Variants in CDH13 observed in about 807,000 individuals in gnomAD.
CDH13 encodes cadherin 13.
In CDH13, 24 loss-of-function variants were observed where a neutral mutation model predicts 63.8. The observed-to-expected ratio is 0.38, with a 90% CI of 0.27 to 0.53. CDH13 has a LOEUF of 0.53. Ranked by LOEUF, CDH13 falls within the 20% of genes least tolerant of loss-of-function variation. The probability of loss-of-function intolerance (pLI) is 0.85; values close to 1 mark genes in which losing one functional copy is unlikely to be tolerated. For synonymous variants in CDH13, 503 were observed against 355.3 expected, an observed-to-expected ratio of 1.42 and a Z score of -4.67; for missense variants, 1,049 against 903.1, an observed-to-expected ratio of 1.16 and a Z score of -2.07.
chr16:83,052,196 C>G lies in CDH13; in HGVS notation c.366+19978C>G, dbSNP rs1356072102. 4.6e-5 allele frequency among the ~76,000 whole-genome samples: 7 copies of G among 152,136 alleles called. No homozygotes were observed. In the South Asian group the frequency reaches 1.2e-3, roughly 27 times the overall value. On this transcript the variant is annotated intron_variant, in intron 3 of 13. Coordinates refer to ENST00000567109, the MANE Select transcript of CDH13 (RefSeq NM_001257.5). ...AAAATGAGCAAGAAGTAGTAAATGC[C>G]TCATTATCCTTTCAGAGCACCTAAT...
At chr16:82,997,022 G>A (rs1257875013) in intron 2 of CDH13, among the ~76,000 whole-genome samples, 7 of 149,666 alleles carry the variant, frequency 4.7e-5, no homozygotes, top group Non-Finnish European at 1.0e-4. Context: ...TGATGGTGAT[G>A]ATGGTGATGG....
chr16:83,398,555 A>C (rs1316640929), intron 6 of CDH13, among the ~76,000 whole-genome samples: 1 of 152,224 alleles, frequency 6.6e-6, no homozygotes, highest in Non-Finnish European at 1.5e-5. Flanking sequence ...TTTCCAAATA[A>C]GATTCATGCA....
At chr16:83,519,689 C>G (rs1598208494) in intron 7 of CDH13, among the ~76,000 whole-genome samples, 1 of 152,090 alleles carries the variant, frequency 6.6e-6, no homozygotes, top group African/African-American at 2.4e-5. Flanking sequence ...CTAAAATATT[C>G]TAGGCAAGAG....
At chr16:83,762,776 T>G (rs1914081462) in intron 11 of CDH13, among the ~76,000 whole-genome samples, 1 of 152,200 alleles carries the variant, frequency 6.6e-6, no homozygotes, top group Admixed American at 6.5e-5. Context: ...CTCCTCTTGC[T>G]TGAAAATTGT....
chr16:82,713,806 G>GAAAAAAAAAAAA (rs758482459), intron 1 of CDH13, among the ~76,000 whole-genome samples: 1 of 120,010 alleles, frequency 8.3e-6, no homozygotes, highest in Non-Finnish European at 1.8e-5. Context: ...CTGTATTTGT[G>GAAAAAAAAAAAA]AAAAAAAAAA....
chr16:83,240,718 T>TTTC (rs1904352765), intron 5 of CDH13, among the ~76,000 whole-genome samples: 1 of 14,136 alleles, frequency 7.1e-5, no homozygotes, highest in African/African-American at 1.1e-4. Flanking sequence ...TGTCTTAATC[T>TTTC]TTTTTTTTTT....
At chr16:83,366,915 A>T (rs2091268273) in intron 6 of CDH13, among the ~76,000 whole-genome samples, 1 of 152,196 alleles carries the variant, frequency 6.6e-6, no homozygotes, top group Admixed American at 6.5e-5. Context: ...TTTAATACCC[A>T]AAGCCCTCTT....
At chr16:83,173,515 C>A (rs1053127277) in intron 4 of CDH13, among the ~76,000 whole-genome samples, 1 of 152,000 alleles carries the variant, frequency 6.6e-6, no homozygotes, top group Non-Finnish European at 1.5e-5. Flanking sequence ...AGACAAAATA[C>A]AAGACCCCAT....
In CDH13 at chr16:82,728,422, A is replaced by T. The variant is rs183196059; in HGVS notation, c.45+101285A>T. The stretch of plus-strand genomic sequence containing the variant: ...TCTAGACCACAGCAATAAAGTGAAT[A>T]TTACAATAAAGAGAGGCATACAATT... On this transcript the variant is annotated intron_variant, in intron 1 of 13. Transcript: ENST00000567109. 9.9e-5 allele frequency among the ~76,000 whole-genome samples: 14 copies of T among 141,068 alleles called. No homozygotes were observed. The East Asian group carries it at 2.7e-3, about 27-fold the overall frequency. The allele number at this position is 141,068 out of a possible 152,430, so 92.5% of individuals were successfully genotyped here.
chr16:82,782,051 A>T (rs756692154), intron 1 of CDH13, among the ~76,000 whole-genome samples: 15 of 152,252 alleles, frequency 9.9e-5, no homozygotes, highest in Non-Finnish European at 1.9e-4. Flanking sequence ...GAAATTAAGT[A>T]GCTGATGAAT....
intron 6 of CDH13, among the ~76,000 whole-genome samples, chr16:83,429,142 C>T (rs1255250745): frequency 1.3e-5 from 2 of 152,200 alleles, no homozygotes; most frequent in Non-Finnish European, 2.9e-5. Context: ...CTGGGGTCAG[C>T]TATGACTTAA....
chr16:83,423,961 G>A (rs1180121259), intron 6 of CDH13, among the ~76,000 whole-genome samples: 7 of 152,220 alleles, frequency 4.6e-5, no homozygotes, highest in Non-Finnish European at 1.0e-4. Flanking sequence ...AGTAAGAAAC[G>A]TGAATAAGAA....
intron 6 of CDH13, among the ~76,000 whole-genome samples, chr16:83,479,925 CT>C (rs1407193002): frequency 6.6e-6 from 1 of 152,134 alleles, no homozygotes; most frequent in Non-Finnish European, 1.5e-5. Flanking sequence ...GAATAAATGT[CT>C]GAAAATATTC....
chr16:83,655,089 T>C (rs983722363), intron 8 of CDH13: 2 of 152,216 alleles, frequency 1.3e-5, no homozygotes, highest in Non-Finnish European at 2.9e-5. Flanking sequence ...CTGTCTGATT[T>C]AGAATTTTGT....
chr16:83,125,305 C>A, intron 3 of CDH13, 80 bp from the exon 4 acceptor site: 3 of 786,006 alleles, frequency 3.8e-6, no homozygotes, highest in South Asian at 1.6e-5. Flanking sequence ...GCTTTCCCAA[C>A]AAAGGAACTC....
At chr16:83,612,908 C>G (rs942911859) in intron 8 of CDH13, among the ~76,000 whole-genome samples, 2 of 152,016 alleles carry the variant, frequency 1.3e-5, no homozygotes, top group African/African-American at 4.8e-5. Flanking sequence ...TTATTTATCC[C>G]TGTTTTTGTG....
chr16:82,813,306 A>G (rs979060434), intron 1 of CDH13, among the ~76,000 whole-genome samples: 3 of 152,186 alleles, frequency 2.0e-5, no homozygotes, highest in African/African-American at 4.8e-5. Context: ...TTAGGGCTTC[A>G]GAGCTGCACC....
chr16:82,997,056 G>GTGA (rs375524912), intron 2 of CDH13, among the ~76,000 whole-genome samples: 15,158 of 148,194 alleles, frequency 0.1, 839 homozygotes, highest in African/African-American at 0.16. Context: ...GATGATGATA[G>GTGA]TGATGGTGAT....
At chr16:83,650,556 C>T (rs962610001) in intron 8 of CDH13, among the ~76,000 whole-genome samples, 3 of 152,178 alleles carry the variant, frequency 2.0e-5, no homozygotes, top group Non-Finnish European at 2.9e-5. Flanking sequence ...GGGTTTTCCA[C>T]ACCCCGCTGG....
Sources: allele counts gnomAD v4.1 joint callset (sites outside exome capture counted in the v4.1 genomes callset), GRCh38; gene constraint gnomAD v4.1.1; transcripts MANE v1.5; gene names NCBI Gene and HGNC (gene_info 2026-07-23, HGNC 2026-07-21).